The following CDH18 variants were observed in gnomAD, a reference collection of about 807,000 sequenced individuals.
CDH18 encodes cadherin-18.
In CDH18, 31 loss-of-function variants were observed where a neutral mutation model predicts 67.9. The ratio of observed to expected loss-of-function variants is 0.46; its 90% confidence interval spans 0.34 to 0.62. The LOEUF is 0.62. Ranked by LOEUF, CDH18 falls within the 20% of genes least tolerant of loss-of-function variation. CDH18 has a pLI of 0.01. For synonymous variants in CDH18, 362 were observed against 347.2 expected, an observed-to-expected ratio of 1.04 and a Z score of -0.48; for missense variants, 890 against 975.5, an observed-to-expected ratio of 0.91 and a Z score of 1.17.
chr5:19,653,766 T>A lies in CDH18; in HGVS notation c.644-41165A>T, dbSNP rs569994976. 2.0e-5 allele frequency among the ~76,000 whole-genome samples: 3 copies of A among 152,242 alleles called. No individual in the cohort carries two copies. In the South Asian group the frequency reaches 6.2e-4, roughly 32 times the overall value. On this transcript the variant is annotated intron_variant, in intron 5 of 12. Coordinates refer to ENST00000382275, the MANE Select transcript of CDH18 (RefSeq NM_004934.5). ...AGCCTGTGCTGTGTAGCCTCTCCTA[T>A]CAACTCCTAGGATCCTTAAGCTCCA...
intron 4 of CDH18, among the ~76,000 whole-genome samples, chr5:19,733,917 A>C (rs1467605953): frequency 6.6e-6 from 1 of 152,176 alleles, no homozygotes; most frequent in Non-Finnish European, 1.5e-5. Context: ...TGATGCTCAA[A>C]GCAGTTGGCC....
intron 2 of CDH18, among the ~76,000 whole-genome samples, chr5:20,223,732 T>C (rs868540057): frequency 2.6e-5 from 4 of 152,090 alleles, no homozygotes; most frequent in Non-Finnish European, 2.9e-5. Context: ...GATGATTTTA[T>C]AAAGGGCAGT....
chr5:19,669,483 G>A (rs1309619303), intron 5 of CDH18, among the ~76,000 whole-genome samples: 5 of 151,692 alleles, frequency 3.3e-5, no homozygotes, highest in East Asian at 1.9e-4. Context: ...CAGAGACGGG[G>A]TTTCTCCATG....
intron 2 of CDH18, among the ~76,000 whole-genome samples, chr5:20,054,278 A>G (rs1270776600): frequency 1.3e-5 from 2 of 152,206 alleles, no homozygotes; most frequent in East Asian, 3.8e-4. Flanking sequence ...GAATGGAAGA[A>G]TGAAAGTACT....
chr5:20,192,178 T>C (rs1191989985), intron 2 of CDH18, among the ~76,000 whole-genome samples: 2 of 152,064 alleles, frequency 1.3e-5, no homozygotes, highest in African/African-American at 4.8e-5. Flanking sequence ...TGTTTGTTCA[T>C]ATCCTTTTCC....
chr5:20,189,894 G>C (rs922593313), intron 2 of CDH18, among the ~76,000 whole-genome samples: 10 of 152,260 alleles, frequency 6.6e-5, no homozygotes, highest in African/African-American at 1.7e-4. Context: ...AAGGTGGCCT[G>C]TGCAGATCTA....
At chr5:19,641,776 C>T (rs530261631) in intron 5 of CDH18, among the ~76,000 whole-genome samples, 18 of 151,924 alleles carry the variant, frequency 1.2e-4, no homozygotes, top group African/African-American at 4.1e-4. Context: ...GCTAGGATAT[C>T]CACTCTCATT....
intron 5 of CDH18, among the ~76,000 whole-genome samples, chr5:19,650,067 C>T (rs1294062302): frequency 1.3e-5 from 2 of 151,800 alleles, no homozygotes; most frequent in African/African-American, 4.8e-5. Context: ...ACTCCATTGC[C>T]ATATATAACA....
At chr5:19,578,077 G>A (rs563285300) in intron 7 of CDH18, among the ~76,000 whole-genome samples, 1 of 152,296 alleles carries the variant, frequency 6.6e-6, no homozygotes, top group South Asian at 2.1e-4. Context: ...GAAAGAGGAA[G>A]TGCAGTCCCA....
At chr5:20,377,695 C>T (rs1457763293) in intron 1 of CDH18, among the ~76,000 whole-genome samples, 1 of 152,036 alleles carries the variant, frequency 6.6e-6, no homozygotes, top group Non-Finnish European at 1.5e-5. Context: ...TTAGGAGATA[C>T]CACAGCATCT....
chr5:19,483,926 G>A (rs1030636142), intron 11 of CDH18, among the ~76,000 whole-genome samples: 1 of 152,144 alleles, frequency 6.6e-6, no homozygotes, highest in Non-Finnish European at 1.5e-5. Flanking sequence ...CAAACCTAGA[G>A]GCTCTGAATA....
At chr5:20,461,268 C>T (rs1243186034) in intron 1 of CDH18, among the ~76,000 whole-genome samples, 2 of 152,178 alleles carry the variant, frequency 1.3e-5, no homozygotes, top group African/African-American at 4.8e-5. Context: ...CCTTCTGTAA[C>T]TCCTGTTGGT....
chr5:20,507,905 G>T (rs561217245), intron 1 of CDH18, among the ~76,000 whole-genome samples: 6 of 152,164 alleles, frequency 3.9e-5, no homozygotes, highest in African/African-American at 1.4e-4. Flanking sequence ...GCAATATCTA[G>T]ACACGCAGGA....
chr5:19,574,208 C>T lies in CDH18; in HGVS notation c.1000-2376G>A, dbSNP rs559769348. Reference sequence around the variant, plus strand: ...GCAGGTCCCCTGGCAAGTTAGATGCCATTTGCCTCAATACTAACCTACCTA... The same window carrying T: ...GCAGGTCCCCTGGCAAGTTAGATGCTATTTGCCTCAATACTAACCTACCTA... On this transcript the variant is annotated intron_variant, in intron 7 of 12. Coordinates refer to ENST00000382275, the MANE Select transcript of CDH18 (RefSeq NM_004934.5). 7.9e-4 allele frequency among the ~76,000 whole-genome samples: 121 copies of T among 152,216 alleles called. 3 individuals are homozygous for T. The South Asian group carries it at 0.024, about 30-fold the overall frequency.
chr5:19,819,252 A>G (rs1266397130), intron 3 of CDH18, among the ~76,000 whole-genome samples: 1 of 152,148 alleles, frequency 6.6e-6, no homozygotes, highest in Non-Finnish European at 1.5e-5. Flanking sequence ...AAAAATTATT[A>G]TAAGAAACAT....
intron 2 of CDH18, among the ~76,000 whole-genome samples, chr5:20,008,082 C>T (rs1737069506): frequency 6.6e-6 from 1 of 152,048 alleles, no homozygotes; most frequent in South Asian, 2.1e-4. Flanking sequence ...CTAGGCCAAC[C>T]TCGATCAATT....
At chr5:19,589,031 C>T (rs1171466128) in intron 7 of CDH18, among the ~76,000 whole-genome samples, 1 of 152,076 alleles carries the variant, frequency 6.6e-6, no homozygotes, top group African/African-American at 2.4e-5. Flanking sequence ...CTGAACTCAG[C>T]TCTGGCTCTA....
intron 2 of CDH18, among the ~76,000 whole-genome samples, chr5:20,110,395 A>G (rs962858909): frequency 1.3e-5 from 2 of 152,136 alleles, no homozygotes; most frequent in Non-Finnish European, 2.9e-5. Context: ...GAAAATACCA[A>G]ATGTGTGTCG....
chr5:20,375,169 T>C (rs978569081), intron 1 of CDH18, among the ~76,000 whole-genome samples: 2 of 152,184 alleles, frequency 1.3e-5, no homozygotes, highest in African/African-American at 4.8e-5. Flanking sequence ...TAAATTTCTT[T>C]TGTCTCAGTT....
Sources: gnomAD v4.1 joint callset for allele counts (sites outside exome capture counted in the v4.1 genomes callset) on GRCh38, gnomAD v4.1.1 for gene constraint, MANE v1.5 for transcripts, NCBI Gene and HGNC (gene_info 2026-07-23, HGNC 2026-07-21) for gene names.